Variants in PLCH1 observed in about 807,000 individuals in gnomAD.
PLCH1 encodes 1-phosphatidylinositol 4,5-bisphosphate phosphodiesterase eta-1.
A neutral mutation model predicts 126.7 loss-of-function variants in PLCH1; 60 were observed. That is an observed-to-expected ratio of 0.47 (90% CI 0.38 to 0.59). PLCH1 has a LOEUF of 0.59. Among genes scored for constraint, PLCH1 ranks in the 20% least tolerant of loss-of-function variants. The pLI is 0.00. For missense variants in PLCH1, 1,723 were observed against 2,040.0 expected, an observed-to-expected ratio of 0.84 and a Z score of 2.99; for synonymous variants, 719 against 734.9, an observed-to-expected ratio of 0.98 and a Z score of 0.35.
At chr3:155,562,645 C>T (rs1727789314) in intron 8 of PLCH1, among the ~76,000 whole-genome samples, 1 of 152,150 alleles carries the variant, frequency 6.6e-6, no homozygotes, top group South Asian at 2.1e-4. Flanking sequence ...CCTGACTTAC[C>T]TTGTCAATTC....
chr3:155,589,617 G>C (rs1192660348), intron 4 of PLCH1, among the ~76,000 whole-genome samples: 1 of 152,050 alleles, frequency 6.6e-6, no homozygotes, highest in Non-Finnish European at 1.5e-5. Flanking sequence ...TTCCCTCATG[G>C]GGTCAAGAGA....
At chr3:155,462,056 T>C (rs1409979085) in intron 21 of PLCH1, among the ~76,000 whole-genome samples, 2 of 152,210 alleles carry the variant, frequency 1.3e-5, no homozygotes, top group Non-Finnish European at 2.9e-5. Context: ...TCCCAGGCAG[T>C]ATTGCTTCTT....
At position 155,741,684 on chromosome 3, in the gene PLCH1, C is replaced by CTTTTATTTTTTTTTTTTTTTTTTT; in HGVS notation, c.-41+3155_-41+3156insAAAAAAAAAAAAAAAAAAATAAAA. Among the ~76,000 whole-genome samples, 74 of 102,860 alleles carry CTTTTATTTTTTTTTTTTTTTTTTT rather than the reference C, an allele frequency of 7.2e-4. 1 individual carries two copies. The highest frequency in any genetic ancestry group is 3.4e-3 in the African/African-American group (72 of 20,894). The allele number at this position is 102,860 out of a possible 152,430, so 67.5% of individuals were successfully genotyped here. A position where few individuals can be genotyped will look rare whatever the true frequency, so the allele number is the denominator to read the frequency against. On this transcript the variant is annotated intron_variant, in intron 1 of 22. Transcript: ENST00000460012. ...TCCTTTTATCATAATTTTATATCCT[C>CTTTTATTTTTTTTTTTTTTTTTTT]TTTTTTTTTTTTTTTTTTTTGTTCA...
At chr3:155,715,108 G>A (rs546224529) in intron 1 of PLCH1, among the ~76,000 whole-genome samples, 12 of 152,192 alleles carry the variant, frequency 7.9e-5, no homozygotes, top group Admixed American at 2.6e-4. Flanking sequence ...GCTTTCAAAT[G>A]TTTTAGCATG....
At chr3:155,709,916 C>T (rs372194085) in intron 1 of PLCH1, among the ~76,000 whole-genome samples, 5 of 152,096 alleles carry the variant, frequency 3.3e-5, no homozygotes, top group African/African-American at 1.2e-4. Flanking sequence ...TCATTCCTGG[C>T]CTTTTTAAAA....
chr3:155,505,692 G>A (rs1179906198), intron 12 of PLCH1, among the ~76,000 whole-genome samples: 1 of 152,142 alleles, frequency 6.6e-6, no homozygotes, highest in Non-Finnish European at 1.5e-5. Flanking sequence ...GGTGATTGAT[G>A]TTAGGTAACT....
At chr3:155,632,277 A>T (rs1738143363) in intron 2 of PLCH1, among the ~76,000 whole-genome samples, 1 of 152,190 alleles carries the variant, frequency 6.6e-6, no homozygotes, top group Admixed American at 6.5e-5. Flanking sequence ...CTCTATTCCT[A>T]CCCACTTTCA....
intron 2 of PLCH1, among the ~76,000 whole-genome samples, chr3:155,687,834 T>G (rs1169588243): frequency 6.6e-6 from 1 of 152,168 alleles, no homozygotes; most frequent in Non-Finnish European, 1.5e-5. Flanking sequence ...CTTTAAAGGG[T>G]TAGCTTCCAC....
chr3:155,617,020 T>C (rs1735877986), intron 2 of PLCH1, among the ~76,000 whole-genome samples: 1 of 152,208 alleles, frequency 6.6e-6, no homozygotes, highest in Non-Finnish European at 1.5e-5. Context: ...TTGTCAAGTA[T>C]AAAATAGTGC....
chr3:155,485,323 G>T (rs1230878472), intron 22 of PLCH1, 33 bp downstream of exon 22: 1 of 1,387,502 alleles, frequency 7.2e-7, no homozygotes, highest in Non-Finnish European at 1.0e-6. Flanking sequence ...AGCCTAGAAG[G>T]GTTTATTCTC....
In PLCH1 at chr3:155,488,655, C is replaced by T; in HGVS notation, c.2539+5G>A. 6.2e-7 allele frequency: 1 copy of T among 1,607,988 alleles called. No homozygotes were observed. Among genetic ancestry groups the T allele is most frequent in the East Asian group, 2.2e-5 (1 of 44,828 alleles). On this transcript the variant is annotated splice_donor_5th_base_variant and intron_variant, in intron 20 of 22. Transcript: ENST00000460012. ...TCTAGAGAGAAAAGGCCAGCTCATA[C>T]CTACCAGGCACTAAGCTGCTGAAGG...
intron 2 of PLCH1, among the ~76,000 whole-genome samples, chr3:155,660,772 T>A (rs1290925583): frequency 6.6e-6 from 1 of 152,162 alleles, no homozygotes; most frequent in Non-Finnish European, 1.5e-5. Flanking sequence ...GCCCCTTTTT[T>A]AAAAAAGAAA....
intron 1 of PLCH1, among the ~76,000 whole-genome samples, chr3:155,732,300 CAAG>C (rs1462229795): frequency 1.3e-5 from 2 of 151,738 alleles, no homozygotes; most frequent in African/African-American, 4.8e-5. Context: ...CAGAATTGAT[CAAG>C]AAGAAGAAAG....
chr3:155,458,463 AAAG>A (rs1272372924), intron 21 of PLCH1, among the ~76,000 whole-genome samples: 2 of 104,586 alleles, frequency 1.9e-5, no homozygotes, highest in African/African-American at 8.3e-5. Flanking sequence ...GGAAAGAAAG[AAAG>A]AAAGAAAGAA....
chr3:155,723,427 C>A (rs1748097347), intron 1 of PLCH1, among the ~76,000 whole-genome samples: 1 of 151,882 alleles, frequency 6.6e-6, no homozygotes, highest in Admixed American at 6.6e-5. Context: ...GTTTCCATTT[C>A]ATTTCCTTCT....
intron 2 of PLCH1, among the ~76,000 whole-genome samples, chr3:155,660,675 T>C (rs985230349): frequency 9.2e-5 from 14 of 152,240 alleles, no homozygotes; most frequent in African/African-American, 2.9e-4. Context: ...AAAATAACTT[T>C]TCTATCCATC....
chr3:155,735,121 C>A (rs1329383999), intron 1 of PLCH1, among the ~76,000 whole-genome samples: 4 of 152,094 alleles, frequency 2.6e-5, no homozygotes, highest in Non-Finnish European at 5.9e-5. Flanking sequence ...CACAGAAAGA[C>A]AAATACCACA....
Position 155,561,276 on chromosome 3 carries a change from T to TC in PLCH1, c.1069+3638dup, listed in dbSNP as rs1275042275. ...TAGGTATATCTCCCAGTGCTATCCC[T>TC]CCCCCCCTCCCCCCACCCCACAACA... is the stretch of plus-strand genomic sequence containing the variant. On this transcript the variant is annotated intron_variant, in intron 8 of 22. Coordinates refer to ENST00000460012, the MANE Select transcript of PLCH1 (RefSeq NM_014996.4). Among the ~76,000 whole-genome samples, 539 of 77,208 alleles carry TC rather than the reference T, an allele frequency of 7.0e-3. 7 individuals carry two copies. Among genetic ancestry groups the TC allele is most frequent in the African/African-American group, 0.026 (508 of 19,848 alleles). 50.7% of individuals were successfully genotyped at this position (77,208 alleles called of 152,430 possible).
intron 2 of PLCH1, among the ~76,000 whole-genome samples, chr3:155,610,006 C>A (rs1734834375): frequency 6.6e-6 from 1 of 152,100 alleles, no homozygotes; most frequent in South Asian, 2.1e-4. Flanking sequence ...CCTGGCCTCA[C>A]TAGAGAGCTA....
Sources: gnomAD v4.1 joint callset for allele counts (sites outside exome capture counted in the v4.1 genomes callset) on GRCh38, gnomAD v4.1.1 for gene constraint, MANE v1.5 for transcripts, NCBI Gene and HGNC (gene_info 2026-07-23, HGNC 2026-07-21) for gene names.